The following PIP5K1C variants were observed in gnomAD, a reference collection of about 807,000 sequenced individuals.
The protein encoded by PIP5K1C is phosphatidylinositol 4-phosphate 5-kinase type-1 gamma.
PIP5K1C carries 45 observed loss-of-function variants against 80.1 expected under a neutral mutation model. That is an observed-to-expected ratio of 0.56 (90% confidence interval 0.44 to 0.72). PIP5K1C has a LOEUF of 0.72. Ranked by LOEUF, PIP5K1C falls within the 30% of genes least tolerant of loss-of-function variation. The pLI is 0.00. For missense variants in PIP5K1C, 753 were observed against 954.6 expected, an observed-to-expected ratio of 0.79 and a Z score of 2.78; for synonymous variants, 498 against 420.1, an observed-to-expected ratio of 1.19 and a Z score of -2.27.
At chr19:3,695,243 G>C (rs2036066211) in intron 1 of PIP5K1C, among the ~76,000 whole-genome samples, 1 of 152,148 alleles carries the variant, frequency 6.6e-6, no homozygotes, top group South Asian at 2.1e-4. Flanking sequence ...GCCCAGGAGT[G>C]GAACTCACAC....
In PIP5K1C at chr19:3,692,201, G is replaced by A. The variant is rs563946220; in HGVS notation, c.94+8096C>T. 1.1e-4 allele frequency among the ~76,000 whole-genome samples: 17 copies of A among 152,294 alleles called. No homozygotes were observed. Among genetic ancestry groups the A allele is most frequent in the African/African-American group, 4.1e-4 (17 of 41,548 alleles). On this transcript the variant is annotated intron_variant, in intron 1 of 17. Coordinates refer to ENST00000335312, the MANE Select transcript of PIP5K1C (RefSeq NM_012398.3). The surrounding 1 kb of genome is among the most constrained non-coding windows in gnomAD (Gnocchi z 5.2). ...GGAAACTGAGGCACGGAGCGGCTGG[G>A]CAACCGAACCCAATCATCTCAGCTG...
At chr19:3,660,908 G>C (rs566798419) in intron 5 of PIP5K1C, 58 bp downstream of exon 5, 3 of 1,403,810 alleles carry the variant, frequency 2.1e-6, no homozygotes, top group Non-Finnish European at 3.0e-6. Context: ...CAGACCCTCC[G>C]AGACCCTGAA....
At chr19:3,689,716 G>A (rs971307572) in intron 1 of PIP5K1C, among the ~76,000 whole-genome samples, 2 of 152,142 alleles carry the variant, frequency 1.3e-5, no homozygotes, top group Admixed American at 1.3e-4. Flanking sequence ...GCTTCAGGCA[G>A]AGAGGTACCA....
chr19:3,672,314 A>G (rs977571712), intron 1 of PIP5K1C, among the ~76,000 whole-genome samples: 14 of 152,168 alleles, frequency 9.2e-5, no homozygotes, highest in African/African-American at 3.4e-4. Flanking sequence ...CTCCCTGGAC[A>G]CTGTGTCCCA....
In PIP5K1C at chr19:3,651,975, G is replaced by C. The variant is rs115876776; in HGVS notation, c.978C>G (p.Ile326Met). The C allele has an allele frequency of 6.2e-7, 1 of 1,613,028 alleles. No individual in the cohort carries two copies. The highest frequency in any genetic ancestry group is 1.7e-5 in the Admixed American group (1 of 60,006). The part of the protein sequence containing the change: ...DYSLLLGVHN[I>M]DQHERERQAQ... ...CCTGCCGCTCGCGCTCGTGCTGGTC[G>C]ATGTTGTGCACGCCCAGCAGCAGGC... Residue 326 changes from isoleucine to methionine, a missense_variant, in exon 8 of 18, where the codon ATC (isoleucine) becomes ATG (methionine). Coordinates refer to ENST00000335312, the MANE Select transcript of PIP5K1C (RefSeq NM_012398.3).
chr19:3,643,217 A>C (rs1428103304), intron 13 of PIP5K1C, 26 bp downstream of exon 13: 5 of 1,610,872 alleles, frequency 3.1e-6, no homozygotes, highest in Non-Finnish European at 4.2e-6. Context: ...TGCCCCGCCC[A>C]CATGCACTGC....
intron 1 of PIP5K1C, among the ~76,000 whole-genome samples, chr19:3,674,651 C>T (rs965810384): frequency 3.3e-5 from 5 of 152,220 alleles, no homozygotes; most frequent in African/African-American, 4.8e-5. Context: ...ACTACAGGCA[C>T]GCACCACCAT....
intron 10 of PIP5K1C, 71 bp downstream of exon 10, chr19:3,647,267 G>A (rs2034269596): frequency 5.2e-6 from 7 of 1,339,466 alleles, no homozygotes; most frequent in Non-Finnish European, 6.2e-6. Flanking sequence ...GGAGGGATGG[G>A]AGGAGGGTGC....
chr19:3,647,207 G>T, intron 10 of PIP5K1C, 131 bp downstream of exon 10: 1 of 771,186 alleles, frequency 1.3e-6, no homozygotes, highest in Non-Finnish European at 2.1e-6. Context: ...CACAGGAGGA[G>T]GAGGGATGGG....
chr19:3,638,854 CCGG>C, intron 16 of PIP5K1C, 27 bp downstream of exon 16: 2 of 1,612,416 alleles, frequency 1.2e-6, no homozygotes, highest in Non-Finnish European at 1.7e-6. Flanking sequence ...GGTTGACGAG[CCGG>C]CGGCAGGAGG....
At chr19:3,655,506 T>C (rs1310740579) in intron 6 of PIP5K1C, among the ~76,000 whole-genome samples, 1 of 152,276 alleles carries the variant, frequency 6.6e-6, no homozygotes, top group Non-Finnish European at 1.5e-5. Context: ...CATTTCTTGG[T>C]CCATAAATAA....
Position 3,647,442 on chromosome 19 carries a change from A to G in PIP5K1C, c.1212-56T>C, listed in dbSNP as rs4806948. 1,183,329 of 1,469,680 alleles carry G rather than the reference A, an allele frequency of 0.81. 478,067 individuals are homozygous for G. Among genetic ancestry groups the G allele is most frequent in the African/African-American group, 0.92 (65,776 of 71,506 alleles). The allele number at this position is 1,469,680 out of a possible 1,614,324, so 91.0% of individuals were successfully genotyped here. On this transcript the variant is annotated intron_variant, in intron 9 of 17. Transcript: ENST00000335312. ...ACATCAGCCAAGCCCATGCCAGGCC[A>G]CCTCACTCAGGGGCCACTGTGCACC...
In PIP5K1C at chr19:3,648,635, G is replaced by C. The variant is rs1266116493; in HGVS notation, c.1201C>G (p.Gln401Glu). ...LLHIGIIDIL[Q>E]SYRFIKKLEH... ...GACCCGGGCACCCACCTGTAGGACT[G>C]CAGGATGTCGATGATGCCAATGTGC... Residue 401 changes from glutamine (Q) to glutamate (E), a missense_variant, in exon 9 of 18, where the codon CAG becomes GAG. Physicochemically the swap from Gln to Glu is conservative, Grantham distance 29. Around this residue, in one of 6 missense-constraint regions of PIP5K1C, gnomAD observed 114 missense variants for 152.4 expected, o/e 0.75. Coordinates refer to ENST00000335312, the MANE Select transcript of PIP5K1C (RefSeq NM_012398.3). The surrounding 1 kb of genome is among the most constrained non-coding windows in gnomAD (Gnocchi z 4.3). The C allele has an allele frequency of 1.2e-6, 2 of 1,612,854 alleles. No homozygotes were observed. Among genetic ancestry groups the C allele is most frequent in the Non-Finnish European group, 1.7e-6 (2 of 1,179,702 alleles).
At position 3,637,938 on chromosome 19, in the gene PIP5K1C, G is replaced by A. The variant is rs540300528; in HGVS notation, c.1920+946C>T. ...GGGTGACGACGTGCGGTGGGTAGGGGCACAGGCACGCGGCCCGTCCCTCCC... is the reference window on the plus strand; with the variant it reads ...GGGTGACGACGTGCGGTGGGTAGGGACACAGGCACGCGGCCCGTCCCTCCC... On this transcript the variant is annotated intron_variant, in intron 16 of 17. Coordinates refer to ENST00000335312, the MANE Select transcript of PIP5K1C (RefSeq NM_012398.3). The surrounding 1 kb of genome is among the most constrained non-coding windows in gnomAD (Gnocchi z 7.0). 240 of 1,534,996 alleles carry A rather than the reference G, an allele frequency of 1.6e-4. 3 individuals carry two copies. In the South Asian group the frequency reaches 2.0e-3, roughly 13 times the overall value.
chr19:3,648,438 C>T lies in PIP5K1C; in HGVS notation c.1211+187G>A, dbSNP rs936189749. 2.6e-5 allele frequency among the ~76,000 whole-genome samples: 4 copies of T among 152,194 alleles called. No homozygotes were observed. The highest frequency in any genetic ancestry group is 2.1e-4 in the South Asian group (1 of 4,834). ...AGAGCTGCTGGTGCGGCTGTTTCCA[C>T]GGGCAAGCGCCTCTGTGCATGGGTG... On this transcript the variant is annotated intron_variant, in intron 9 of 17. Transcript: ENST00000335312. The surrounding 1 kb of genome is among the most constrained non-coding windows in gnomAD (Gnocchi z 4.3).
chr19:3,633,691 C>T (rs1365856467), intron 16 of PIP5K1C, among the ~76,000 whole-genome samples, 171 bp from the exon 17 acceptor site: 2 of 152,100 alleles, frequency 1.3e-5, no homozygotes, highest in Non-Finnish European at 2.9e-5. Context: ...GGACTTGCTC[C>T]CAACCTGGAC....
In PIP5K1C at chr19:3,632,117, TTCTC is replaced by T. The variant is rs2145354834; in HGVS notation, c.*1046_*1049del. On this transcript the variant is annotated 3_prime_UTR_variant, in exon 18 of 18. Transcript: ENST00000335312. ...AGGGTGATGAGTCGGAAACAAAGTCTTCTCTCCCCTCCTCGGAGACATCACATCA... is the reference window on the plus strand; with the variant it reads ...AGGGTGATGAGTCGGAAACAAAGTCTTCCCCTCCTCGGAGACATCACATCA... 1 of 152,354 alleles carries T rather than the reference TTCTC, an allele frequency of 6.6e-6. No homozygotes were observed. The highest frequency in any genetic ancestry group is 1.9e-4 in the East Asian group (1 of 5,170). The allele number at this position is 152,354 out of a possible 1,614,324, so 9.4% of individuals were successfully genotyped here.
chr19:3,697,864 G>A (rs960860891), intron 1 of PIP5K1C, among the ~76,000 whole-genome samples: 9 of 152,230 alleles, frequency 5.9e-5, no homozygotes, highest in African/African-American at 1.7e-4. Flanking sequence ...CGGCCTTCCC[G>A]AGACCGCCCC....
At chr19:3,634,588 C>T (rs951549306) in intron 16 of PIP5K1C, among the ~76,000 whole-genome samples, 6 of 152,242 alleles carry the variant, frequency 3.9e-5, no homozygotes, top group African/African-American at 9.6e-5. Context: ...ACCCACTGCT[C>T]GTCCTTCCAG....
Sources: allele counts gnomAD v4.1 joint callset (sites outside exome capture counted in the v4.1 genomes callset), GRCh38; gene constraint gnomAD v4.1.1; regional missense constraint gnomAD v4.1.1; non-coding constraint Gnocchi (gnomAD v3.1); transcripts MANE v1.5; gene names NCBI Gene and HGNC (gene_info 2026-07-23, HGNC 2026-07-21).